The following CLSTN2 variants were observed in gnomAD, a reference collection of about 807,000 sequenced individuals.
The protein encoded by CLSTN2 is calsyntenin-2.
In CLSTN2, 48 loss-of-function variants were observed where a neutral mutation model predicts 101.2. That is an observed-to-expected ratio of 0.47 (90% CI 0.38 to 0.60). The LOEUF (loss-of-function observed/expected upper bound fraction) is 0.60, where lower values mean the gene tolerates loss of function less well. Among genes scored for constraint, CLSTN2 ranks in the 20% least tolerant of loss-of-function variants. The probability of loss-of-function intolerance (pLI) is 0.00; values close to 1 mark genes in which losing one functional copy is unlikely to be tolerated. For missense variants in CLSTN2, 1,160 were observed against 1,238.2 expected (o/e 0.94, Z 0.95); for synonymous variants, 481 against 463.6 (o/e 1.04, Z -0.48).
intron 2 of CLSTN2, among the ~76,000 whole-genome samples, chr3:140,368,019 A>G (rs1385997063): frequency 6.6e-6 from 1 of 152,186 alleles, no homozygotes; most frequent in Non-Finnish European, 1.5e-5. Context: ...CCTAAAATCT[A>G]AATCAGGGAG....
intron 2 of CLSTN2, among the ~76,000 whole-genome samples, chr3:140,271,956 C>G (rs368763852): frequency 6.6e-6 from 1 of 152,298 alleles, no homozygotes; most frequent in Admixed American, 6.5e-5. Flanking sequence ...GAACCCAATT[C>G]TGAATTCTTT....
At chr3:140,230,356 C>T (rs2086359692) in intron 2 of CLSTN2, among the ~76,000 whole-genome samples, 2 of 152,186 alleles carry the variant, frequency 1.3e-5, no homozygotes, top group African/African-American at 4.8e-5. Context: ...CTATAATTTA[C>T]TCAATGACTA....
chr3:140,440,994 C>T (rs1337533408), intron 5 of CLSTN2, among the ~76,000 whole-genome samples: 1 of 152,254 alleles, frequency 6.6e-6, no homozygotes, highest in African/African-American at 2.4e-5. Flanking sequence ...AAACTGGTTG[C>T]AGATCCAGGG....
chr3:140,257,892 G>A (rs2086617603), intron 2 of CLSTN2, among the ~76,000 whole-genome samples: 1 of 151,980 alleles, frequency 6.6e-6, no homozygotes, highest in Admixed American at 6.6e-5. Context: ...ACAAATAACT[G>A]GGTCAAAAGA....
intron 1 of CLSTN2, among the ~76,000 whole-genome samples, chr3:140,144,968 C>T (rs553582013): frequency 5.3e-5 from 8 of 152,328 alleles, no homozygotes; most frequent in African/African-American, 1.9e-4. Flanking sequence ...CTCTGATTTC[C>T]CCCAGAGGAC....
At chr3:140,481,460 G>C (rs955050702) in intron 8 of CLSTN2, among the ~76,000 whole-genome samples, 1 of 152,174 alleles carries the variant, frequency 6.6e-6, no homozygotes, top group Non-Finnish European at 1.5e-5. Context: ...GAACTTTAAA[G>C]TAGTTTTTTT....
chr3:140,041,558 C>G (rs1403634215), intron 1 of CLSTN2, among the ~76,000 whole-genome samples: 1 of 152,174 alleles, frequency 6.6e-6, no homozygotes, highest in Non-Finnish European at 1.5e-5. Flanking sequence ...ATGCCCCCAC[C>G]TGTCATTTTG....
At chr3:140,429,246 G>A (rs1490642114) in intron 5 of CLSTN2, among the ~76,000 whole-genome samples, 1 of 152,036 alleles carries the variant, frequency 6.6e-6, no homozygotes, top group Non-Finnish European at 1.5e-5. Flanking sequence ...GGCCTACTGT[G>A]TGCTAAAGGC....
chr3:140,562,357 G>C lies in CLSTN2; in HGVS notation c.2212+49G>C, dbSNP rs538221511. On this transcript the variant is annotated intron_variant, in intron 13 of 16. Transcript: ENST00000458420. ...TGCCCCAAGGGTGTCCTCTTAGAAT[G>C]TCCTTGTCCAGGGAGACATGAGTGA... 1,106 of 1,543,072 alleles carry C rather than the reference G, an allele frequency of 7.2e-4. 15 individuals are homozygous for C. In the South Asian group the frequency reaches 0.012, roughly 17 times the overall value.
intron 1 of CLSTN2, among the ~76,000 whole-genome samples, chr3:139,946,201 A>G (rs1222369837): frequency 1.3e-5 from 2 of 152,224 alleles, no homozygotes; most frequent in Admixed American, 6.5e-5. Context: ...CCAGATTTAT[A>G]TGGCTTGAGA....
intron 2 of CLSTN2, among the ~76,000 whole-genome samples, chr3:140,319,521 A>T (rs1239792999): frequency 6.6e-6 from 1 of 152,230 alleles, no homozygotes; most frequent in Non-Finnish European, 1.5e-5. Flanking sequence ...AGAATGCCGT[A>T]CACCAATTTG....
At chr3:140,167,628 G>T (rs2010154151) in intron 1 of CLSTN2, among the ~76,000 whole-genome samples, 1 of 152,162 alleles carries the variant, frequency 6.6e-6, no homozygotes, top group Non-Finnish European at 1.5e-5. Flanking sequence ...ACGTGCAGAA[G>T]TGTAACCACC....
At chr3:140,225,455 T>C (rs930452703) in intron 2 of CLSTN2, among the ~76,000 whole-genome samples, 1 of 151,942 alleles carries the variant, frequency 6.6e-6, no homozygotes, top group Non-Finnish European at 1.5e-5. Context: ...AGTTCAAATA[T>C]TTTATGCAAG....
At chr3:139,972,552 C>T (rs1935730618) in intron 1 of CLSTN2, among the ~76,000 whole-genome samples, 1 of 152,152 alleles carries the variant, frequency 6.6e-6, no homozygotes, top group African/African-American at 2.4e-5. Flanking sequence ...GAGTTTTGCT[C>T]TCCTTGTCAG....
intron 5 of CLSTN2, among the ~76,000 whole-genome samples, chr3:140,428,949 C>T (rs759970951): frequency 6.6e-6 from 1 of 152,036 alleles, no homozygotes. Flanking sequence ...ATGCAGATCC[C>T]GATTTAACAA....
At chr3:140,485,784 C>T (rs979988201) in intron 8 of CLSTN2, among the ~76,000 whole-genome samples, 8 of 152,192 alleles carry the variant, frequency 5.3e-5, no homozygotes, top group African/African-American at 1.4e-4. Context: ...CCTGGTGTGC[C>T]GTTTGCTAAG....
At chr3:140,329,061 G>T (rs1203238520) in intron 2 of CLSTN2, among the ~76,000 whole-genome samples, 1 of 152,186 alleles carries the variant, frequency 6.6e-6, no homozygotes, top group Non-Finnish European at 1.5e-5. Context: ...CCCCCATTCA[G>T]TTCATCATTT....
chr3:140,406,619 C>T (rs1390128877), intron 4 of CLSTN2, among the ~76,000 whole-genome samples: 1 of 152,236 alleles, frequency 6.6e-6, no homozygotes, highest in African/African-American at 2.4e-5. Flanking sequence ...GTCCCCACCA[C>T]AGAGGCACAC....
intron 1 of CLSTN2, among the ~76,000 whole-genome samples, chr3:139,963,920 G>A (rs1223510095): frequency 3.3e-5 from 5 of 152,182 alleles, no homozygotes; most frequent in Non-Finnish European, 7.3e-5. Context: ...TGGTGGGCAG[G>A]CACTGTCACA....
Sources: gnomAD v4.1 joint callset for allele counts (sites outside exome capture counted in the v4.1 genomes callset) on GRCh38, gnomAD v4.1.1 for gene constraint, MANE v1.5 for transcripts, NCBI Gene and HGNC (gene_info 2026-07-23, HGNC 2026-07-21) for gene names.